CIB3: variants seen among roughly 807,000 people sequenced by gnomAD.
CIB3 encodes the protein calcium and integrin-binding family member 3.
Under a neutral mutation model 23.4 loss-of-function variants are expected in CIB3, and 22 were observed. The ratio of observed to expected loss-of-function variants is 0.94; its 90% CI spans 0.67 to 1.34. The LOEUF (loss-of-function observed/expected upper bound fraction) is 1.34, where lower values mean the gene tolerates loss of function less well. Among genes scored for constraint, CIB3 ranks in the 40% most tolerant of loss-of-function variants. The probability of loss-of-function intolerance (pLI) is 0.00; values close to 1 mark genes in which losing one functional copy is unlikely to be tolerated. For synonymous variants in CIB3, 93 were observed against 95.8 expected, an observed-to-expected ratio of 0.97 and a Z score of 0.17; for missense variants, 258 against 247.3, an observed-to-expected ratio of 1.04 and a Z score of -0.29.
At chr19:16,161,570 G>T in intron 5 of CIB3, 84 bp from the exon 6 acceptor site, 1 of 1,475,130 alleles carries the variant, frequency 6.8e-7, no homozygotes, top group South Asian at 1.2e-5. Context: ...CTCACGGCAA[G>T]TCCCTGGGAC....
intron 3 of CIB3, among the ~76,000 whole-genome samples, 168 bp from the exon 4 acceptor site, chr19:16,168,452 A>C (rs907540111): frequency 6.6e-6 from 1 of 151,796 alleles, no homozygotes; most frequent in African/African-American, 2.4e-5. Flanking sequence ...TCCACCCTCC[A>C]CCCCTGTGAT....
chr19:16,166,653 A>G (rs911390380), intron 4 of CIB3, among the ~76,000 whole-genome samples: 2 of 152,154 alleles, frequency 1.3e-5, no homozygotes, highest in Non-Finnish European at 2.9e-5. Flanking sequence ...CACTCACTCA[A>G]CAAGTATTAG....
intron 4 of CIB3, among the ~76,000 whole-genome samples, chr19:16,165,812 C>G (rs1599434949): frequency 6.6e-6 from 1 of 152,160 alleles, no homozygotes. Flanking sequence ...TTTTTATTCA[C>G]TCATACAAGT....
intron 4 of CIB3, among the ~76,000 whole-genome samples, chr19:16,165,996 A>C (rs1448148027): frequency 6.6e-6 from 1 of 152,112 alleles, no homozygotes; most frequent in Non-Finnish European, 1.5e-5. Flanking sequence ...TTACTCATTC[A>C]AAAAACAGTT....
At chr19:16,165,446 C>CTTT (rs71178646) in intron 4 of CIB3, among the ~76,000 whole-genome samples, 1 of 149,826 alleles carries the variant, frequency 6.7e-6, no homozygotes. Context: ...TTCATTCGTT[C>CTTT]TTTTTTTTTT....
intron 2 of CIB3, among the ~76,000 whole-genome samples, 186 bp from the exon 3 acceptor site, chr19:16,169,927 G>C (rs1423577478): frequency 3.3e-5 from 5 of 152,162 alleles, no homozygotes; most frequent in African/African-American, 1.2e-4. Context: ...AGCCTCCCAA[G>C]TAGCTGGGAT....
chr19:16,165,292 CAAAAA>C (rs71178645), intron 4 of CIB3, among the ~76,000 whole-genome samples: 4 of 79,996 alleles, frequency 5.0e-5, no homozygotes, highest in South Asian at 5.0e-4. Flanking sequence ...AAACTCCGTC[CAAAAA>C]AAAAAAAAAA....
At chr19:16,166,474 T>C (rs1599435176) in intron 4 of CIB3, among the ~76,000 whole-genome samples, 1 of 152,128 alleles carries the variant, frequency 6.6e-6, no homozygotes. Context: ...TACTGTGTAG[T>C]GGGCACTGTG....
intron 2 of CIB3, 26 bp from the exon 3 acceptor site, chr19:16,169,767 A>C (rs1034668043): frequency 1.9e-5 from 30 of 1,571,588 alleles, no homozygotes; most frequent in Non-Finnish European, 2.6e-5. Flanking sequence ...AAAAGCTGGG[A>C]AAGACTGGGA....
chr19:16,172,767 TAGTG>T, intron 2 of CIB3, among the ~76,000 whole-genome samples: 1 of 151,724 alleles, frequency 6.6e-6, no homozygotes, highest in Non-Finnish European at 1.5e-5. Flanking sequence ...CTGGGCAACA[TAGTG>T]AGAGCCCCAT....
chr19:16,169,599 T>G, intron 3 of CIB3, 31 bp downstream of exon 3: 14 of 1,585,906 alleles, frequency 8.8e-6, no homozygotes, highest in Non-Finnish European at 1.2e-5. Context: ...CTACTATTTT[T>G]TACCCTGTTT....
At chr19:16,161,632 C>A in intron 5 of CIB3, 146 bp from the exon 6 acceptor site, 1 of 736,262 alleles carries the variant, frequency 1.4e-6, no homozygotes, top group Non-Finnish European at 2.4e-6. Flanking sequence ...GCCGGGAGAC[C>A]CCTACAGGGG....
chr19:16,173,080 A>C (rs1449835858), intron 2 of CIB3, 82 bp downstream of exon 2: 2 of 1,526,036 alleles, frequency 1.3e-6, no homozygotes, highest in East Asian at 4.5e-5. Flanking sequence ...ACACACACAC[A>C]CACACCAAAT....
intron 3 of CIB3, among the ~76,000 whole-genome samples, chr19:16,168,855 G>A (rs1390658514): frequency 6.6e-6 from 1 of 152,078 alleles, no homozygotes; most frequent in African/African-American, 2.4e-5. Flanking sequence ...GTTGTTCAGG[G>A]GCAATCCATT....
intron 3 of CIB3, 57 bp downstream of exon 3, chr19:16,169,573 G>T: frequency 6.9e-7 from 1 of 1,457,632 alleles, no homozygotes; most frequent in Non-Finnish European, 9.5e-7. Flanking sequence ...TCAGAGGAAT[G>T]CAACGAGAGA....
At chr19:16,173,005 G>C (rs565781168) in intron 2 of CIB3, among the ~76,000 whole-genome samples, 157 bp downstream of exon 2, 103 of 148,980 alleles carry the variant, frequency 6.9e-4, no homozygotes, top group African/African-American at 2.3e-3. Context: ...GAGGGAGAGA[G>C]AGAGAGAAAA....
At chr19:16,172,964 A>C (rs2091334822) in intron 2 of CIB3, among the ~76,000 whole-genome samples, 198 bp downstream of exon 2, 1 of 97,664 alleles carries the variant, frequency 1.0e-5, no homozygotes, top group Non-Finnish European at 2.8e-5. Flanking sequence ...AAAAAAAGAA[A>C]AGAAGGAAGG....
chr19:16,161,421 G>T lies in CIB3; in HGVS notation c.*44C>A. ...AGAAACCAGAGTCCACAGCGGGTGA[G>T]GGGTCACCCCGCCCTCCTATAGCTC... On this transcript the variant is annotated 3_prime_UTR_variant, in exon 6 of 6. Coordinates refer to ENST00000269878, the MANE Select transcript of CIB3 (RefSeq NM_054113.4). 1 of 1,605,718 alleles carries T rather than the reference G, an allele frequency of 6.2e-7. No individual in the cohort carries two copies. Among genetic ancestry groups the T allele is most frequent in the Non-Finnish European group, 8.5e-7 (1 of 1,172,402 alleles).
At chr19:16,170,530 G>T (rs1259735611) in intron 2 of CIB3, among the ~76,000 whole-genome samples, 1 of 152,102 alleles carries the variant, frequency 6.6e-6, no homozygotes, top group African/African-American at 2.4e-5. Flanking sequence ...CCTTATAATG[G>T]GAGGAAGAGG....
Sources: gnomAD v4.1 joint callset for allele counts (sites outside exome capture counted in the v4.1 genomes callset) on GRCh38, gnomAD v4.1.1 for gene constraint, MANE v1.5 for transcripts, NCBI Gene and HGNC (gene_info 2026-07-23, HGNC 2026-07-21) for gene names.